DROSHA: variants seen among roughly 807,000 people sequenced by gnomAD.
The protein encoded by DROSHA is ribonuclease 3.
DROSHA carries 56 observed loss-of-function variants against 181.9 expected under a neutral mutation model. That is an observed-to-expected ratio of 0.31 (90% CI 0.25 to 0.38). The LOEUF is 0.38. DROSHA is among the 10% of genes least tolerant of loss of function. The pLI, the probability that DROSHA is intolerant of heterozygous loss-of-function variation, is 1.00. For synonymous variants in DROSHA, 524 were observed against 591.2 expected, an observed-to-expected ratio of 0.89 and a Z score of 1.65; for missense variants, 1,218 against 1,743.5, an observed-to-expected ratio of 0.70 and a Z score of 5.37.
chr5:31,497,994 C>G (rs756345618), intron 11 of DROSHA, among the ~76,000 whole-genome samples: 1 of 152,248 alleles, frequency 6.6e-6, no homozygotes, highest in African/African-American at 2.4e-5. Flanking sequence ...GAGGATCCTT[C>G]TCCTTTGCTT....
intron 23 of DROSHA, among the ~76,000 whole-genome samples, chr5:31,443,568 G>C (rs1745909826): frequency 6.6e-6 from 1 of 152,082 alleles, no homozygotes; most frequent in Admixed American, 6.5e-5. Context: ...CTCAGATTTA[G>C]GTGGTTAAAC....
intron 20 of DROSHA, among the ~76,000 whole-genome samples, chr5:31,457,806 G>C (rs1439542451): frequency 6.6e-6 from 1 of 152,088 alleles, no homozygotes; most frequent in Admixed American, 6.5e-5. Flanking sequence ...GGGAGGATGT[G>C]TTGGGCCTAG....
In DROSHA at chr5:31,511,153, C is replaced by T. The variant is rs374026742; in HGVS notation, c.1314G>A (p.Thr438=). ...TGTCATATAAGTCACGAAGCCTACT[C>T]GTTCCAACCACTGTAGAATCTCCCT... is the stretch of plus-strand genomic sequence containing the variant. ...DQVGDSTVVG[T]SRLRDLYDKF... The change falls in exon 9 of 36, where the codon ACG becomes ACA. Residue 438 remains threonine, a synonymous_variant. Transcript: ENST00000344624. The T allele has an allele frequency of 1.4e-5, 23 of 1,613,686 alleles. No homozygotes were observed. Among genetic ancestry groups the T allele is most frequent in the African/African-American group, 2.7e-5 (2 of 74,914 alleles).
intron 27 of DROSHA, among the ~76,000 whole-genome samples, chr5:31,428,620 T>C (rs1178132155): frequency 6.6e-6 from 1 of 152,232 alleles, no homozygotes; most frequent in East Asian, 1.9e-4. Flanking sequence ...GTCCAGGTCA[T>C]ATTTTCCAAA....
At chr5:31,494,076 A>G (rs1475272007) in intron 12 of DROSHA, among the ~76,000 whole-genome samples, 1 of 151,566 alleles carries the variant, frequency 6.6e-6, no homozygotes, top group African/African-American at 2.4e-5. Context: ...TCCAACAATT[A>G]TCGTGCCTCA....
In DROSHA at chr5:31,515,183, C is replaced by G. The variant is rs1352483658; in HGVS notation, c.1095G>C (p.Trp365Cys). The G allele has an allele frequency of 6.2e-7, 1 of 1,613,822 alleles. No individual in the cohort carries two copies. Among genetic ancestry groups the G allele is most frequent in the Non-Finnish European group, 8.5e-7 (1 of 1,179,884 alleles). Residue 365 changes from tryptophan (W) to cysteine (C), a missense_variant, in exon 8 of 36, where the codon TGG (tryptophan) becomes TGC (cysteine). Physicochemically the swap from Trp to Cys is radical, Grantham distance 215. Around this residue, in one of 8 missense-constraint regions of DROSHA, gnomAD observed 536 missense variants for 535.4 expected, o/e 1.00. Transcript: ENST00000344624. ...CACTCCAACGGTCTTTTTCTTCCTC[C>G]CAACGAGCTCTCTTCTTCTCCCTAC... is the stretch of plus-strand genomic sequence containing the variant. ...SPSREKKRAR[W>C]EEEKDRWSDN...
chr5:31,527,050 A>G (rs1251296310), intron 4 of DROSHA, 138 bp from the exon 5 acceptor site: 1 of 729,574 alleles, frequency 1.4e-6, no homozygotes, highest in Non-Finnish European at 2.2e-6. Context: ...TAGGCCACCC[A>G]TTTAATACTG....
Position 31,516,535 on chromosome 5 carries a change from G to A in DROSHA, c.948-971C>T, listed in dbSNP as rs537202687. Among the ~76,000 whole-genome samples, 6 of 152,252 alleles carry A rather than the reference G, an allele frequency of 3.9e-5. No homozygotes were observed. In the East Asian group the frequency reaches 9.7e-4, roughly 24 times the overall value. On this transcript the variant is annotated intron_variant, in intron 6 of 35. Transcript: ENST00000344624. ...ATGTGTGTAGGTATGTATACTTTGGGAGGATTAGAAAGATTATACATATTA... is the reference window on the plus strand; with the variant it reads ...ATGTGTGTAGGTATGTATACTTTGGAAGGATTAGAAAGATTATACATATTA...
intron 17 of DROSHA, 38 bp from the exon 18 acceptor site, chr5:31,468,101 AG>A: frequency 1.3e-6 from 2 of 1,589,612 alleles, no homozygotes; most frequent in Non-Finnish European, 1.7e-6. Context: ...TCCCATAAGA[AG>A]TCTTTATGTA....
At chr5:31,455,183 T>C (rs943990306) in intron 20 of DROSHA, among the ~76,000 whole-genome samples, 4 of 151,922 alleles carry the variant, frequency 2.6e-5, no homozygotes, top group Non-Finnish European at 5.9e-5. Context: ...ATCAGCCCAA[T>C]GAATAGTGCT....
At chr5:31,414,801 G>A (rs938239083) in intron 30 of DROSHA, among the ~76,000 whole-genome samples, 1 of 152,124 alleles carries the variant, frequency 6.6e-6, no homozygotes, top group Admixed American at 6.5e-5. Context: ...TTGGATACCC[G>A]TCCTGTCCAC....
intron 22 of DROSHA, among the ~76,000 whole-genome samples, 171 bp downstream of exon 22, chr5:31,449,110 G>C (rs1384100641): frequency 1.3e-5 from 2 of 151,702 alleles, no homozygotes; most frequent in Non-Finnish European, 2.9e-5. Flanking sequence ...ACTCCAGCCT[G>C]GGTGACAGAG....
Position 31,436,324 on chromosome 5 carries a change from T to G in DROSHA, c.2943-460A>C, listed in dbSNP as rs529638591. ...GCTCAAGAGAGTTCCAAGAGAAGCA[T>G]GTATTGTCTCCCTTTAAAAGAGAAA... On this transcript the variant is annotated intron_variant, in intron 24 of 35. Transcript: ENST00000344624. 1.8e-4 allele frequency among the ~76,000 whole-genome samples: 28 copies of G among 151,744 alleles called. No homozygotes were observed. The East Asian group carries it at 4.9e-3, about 26-fold the overall frequency.
rs571088149 is a variant in DROSHA at position 31,451,764 on chromosome 5, CT to C, written c.2575-125del. Reference sequence around the variant, plus strand: ...TCCATCTCACTAAGTCCTGAAACAGCTTATTGGCTGCATGGCATTCTGGAGA... The same window carrying C: ...TCCATCTCACTAAGTCCTGAAACAGCTATTGGCTGCATGGCATTCTGGAGA... On this transcript the variant is annotated intron_variant, in intron 20 of 35. Coordinates refer to ENST00000344624, the MANE Select transcript of DROSHA (RefSeq NM_001382508.1). 3,204 of 701,690 alleles carry C rather than the reference CT, an allele frequency of 4.6e-3. 18 individuals are homozygous for C. Among genetic ancestry groups the C allele is most frequent in the Non-Finnish European group, 6.1e-3 (2,538 of 417,830 alleles). 43.5% of individuals were successfully genotyped at this position (701,690 alleles called of 1,614,324 possible).
At chr5:31,477,018 A>T (rs1000470647) in intron 16 of DROSHA, among the ~76,000 whole-genome samples, 1 of 152,200 alleles carries the variant, frequency 6.6e-6, no homozygotes, top group Admixed American at 6.5e-5. Context: ...AATAAATAGG[A>T]CATGATATAA....
At chr5:31,437,678 C>G (rs1365681588) in intron 23 of DROSHA, among the ~76,000 whole-genome samples, 1 of 152,162 alleles carries the variant, frequency 6.6e-6, no homozygotes, top group Non-Finnish European at 1.5e-5. Context: ...TATTTTGATA[C>G]AATGTCCTAA....
chr5:31,450,890 T>C (rs561155563), intron 21 of DROSHA, among the ~76,000 whole-genome samples: 5 of 152,258 alleles, frequency 3.3e-5, no homozygotes, highest in Admixed American at 3.3e-4. Flanking sequence ...AGCCCTCTTC[T>C]GCAAACAAAC....
intron 35 of DROSHA, 132 bp from the exon 36 acceptor site, chr5:31,401,694 G>A: frequency 1.8e-6 from 1 of 552,696 alleles, no homozygotes; most frequent in Non-Finnish European, 2.4e-6. Context: ...ATTTTATAAG[G>A]CACAAGATAG....
intron 21 of DROSHA, among the ~76,000 whole-genome samples, chr5:31,451,304 G>A (rs1747004193): frequency 6.6e-6 from 1 of 152,228 alleles, no homozygotes; most frequent in East Asian, 1.9e-4. Context: ...GGTACTCAGA[G>A]TTGACAAATT....
Sources: gnomAD v4.1 joint callset for allele counts (sites outside exome capture counted in the v4.1 genomes callset) on GRCh38, gnomAD v4.1.1 for gene constraint, gnomAD v4.1.1 regional missense constraint, MANE v1.5 for transcripts, NCBI Gene and HGNC (gene_info 2026-07-23, HGNC 2026-07-21) for gene names.